Variants in NPTXR observed in about 807,000 individuals in gnomAD.
The protein encoded by NPTXR is neuronal pentraxin receptor.
NPTXR carries 12 observed loss-of-function variants against 32.2 expected under a neutral mutation model. The ratio of observed to expected loss-of-function variants is 0.37; its 90% CI spans 0.24 to 0.60. The LOEUF is 0.60. NPTXR is among the 20% of genes least tolerant of loss of function. NPTXR has a pLI of 0.66. For missense variants in NPTXR, 612 were observed against 682.9 expected (o/e 0.90, Z 1.16); for synonymous variants, 323 against 315.8 (o/e 1.02, Z -0.24).
intron 1 of NPTXR, among the ~76,000 whole-genome samples, chr22:38,829,697 G>C (rs1004723100): frequency 1.3e-5 from 2 of 152,138 alleles, no homozygotes; most frequent in South Asian, 4.2e-4. Flanking sequence ...CCCCAGACAC[G>C]AACTCATTGC....
Position 38,843,598 on chromosome 22 carries a change from G to A in NPTXR, c.261C>T (p.Pro87=). The A allele has an allele frequency of 8.4e-7, 1 of 1,184,964 alleles. No individual in the cohort carries two copies. The highest frequency in any genetic ancestry group is 4.1e-5 in the South Asian group (1 of 24,358). 73.4% of individuals were successfully genotyped at this position (1,184,964 alleles called of 1,614,324 possible). A position where few individuals can be genotyped will look rare whatever the true frequency, so the allele number is the denominator to read the frequency against. Residue 87 remains proline, a synonymous_variant, in exon 1 of 5, where the codon CCC becomes CCT. Coordinates refer to ENST00000333039, the MANE Select transcript of NPTXR (RefSeq NM_014293.4). The surrounding 1 kb of genome is among the most constrained non-coding windows in gnomAD (Gnocchi z 5.3). The stretch of plus-strand genomic sequence containing the variant: ...ACAGGAAGCGGCTGAACAGGGGCCC[G>A]GGCGGCAGCGGGTGCGCGCTGGCCG...
intron 1 of NPTXR, among the ~76,000 whole-genome samples, chr22:38,830,142 C>T (rs1485325056): frequency 6.6e-6 from 1 of 152,198 alleles, no homozygotes; most frequent in Non-Finnish European, 1.5e-5. Context: ...AGCAATGTGA[C>T]CTCATTTTGA....
intron 1 of NPTXR, among the ~76,000 whole-genome samples, chr22:38,836,400 G>C (rs760644089): frequency 7.9e-5 from 12 of 152,206 alleles, no homozygotes; most frequent in Non-Finnish European, 1.5e-4. Context: ...GCTCGTCCGC[G>C]CAACGGAACA....
intron 3 of NPTXR, among the ~76,000 whole-genome samples, chr22:38,826,164 A>T (rs1025989383): frequency 2.2e-4 from 33 of 152,176 alleles, no homozygotes; most frequent in African/African-American, 8.0e-4. Flanking sequence ...CTTTAAGTCC[A>T]GGATGATGAG....
chr22:38,841,782 C>A (rs546415330), intron 1 of NPTXR, among the ~76,000 whole-genome samples: 15 of 152,232 alleles, frequency 9.9e-5, no homozygotes, highest in African/African-American at 3.6e-4. Context: ...TATTACTATC[C>A]CCATTTTACA....
At chr22:38,841,503 C>G (rs981822627) in intron 1 of NPTXR, among the ~76,000 whole-genome samples, 1 of 152,278 alleles carries the variant, frequency 6.6e-6, no homozygotes, top group Non-Finnish European at 1.5e-5. Context: ...CCTGTGCCAT[C>G]TGGGCGTGGG....
At chr22:38,823,860 G>A (rs1187782974) in intron 3 of NPTXR, among the ~76,000 whole-genome samples, 2 of 152,192 alleles carry the variant, frequency 1.3e-5, no homozygotes, top group South Asian at 2.1e-4. Flanking sequence ...AGATCCCTCA[G>A]CACAGTGCTC....
At chr22:38,828,173 C>T in intron 2 of NPTXR, 114 bp downstream of exon 2, 1 of 788,848 alleles carries the variant, frequency 1.3e-6, no homozygotes, top group Non-Finnish European at 2.1e-6. Flanking sequence ...CCACAGCCTC[C>T]TCCCCACCCT....
At chr22:38,827,567 T>C (rs2235137) in intron 2 of NPTXR, among the ~76,000 whole-genome samples, 64,157 of 151,998 alleles carry the variant, frequency 0.42, 13,969 homozygotes, top group East Asian at 0.75. Context: ...CTGTTCCCCA[T>C]GTAAGCTGGT....
At position 38,843,115 on chromosome 22, in the gene NPTXR, A is replaced by C; in HGVS notation, c.624+120T>G. The C allele has an allele frequency of 9.9e-7, 1 of 1,014,300 alleles. No homozygotes were observed. The highest frequency in any genetic ancestry group is 1.3e-6 in the Non-Finnish European group (1 of 792,740). The allele number at this position is 1,014,300 out of a possible 1,614,324, so 62.8% of individuals were successfully genotyped here. On this transcript the variant is annotated intron_variant, in intron 1 of 4. Coordinates refer to ENST00000333039, the MANE Select transcript of NPTXR (RefSeq NM_014293.4). The surrounding 1 kb of genome is among the most constrained non-coding windows in gnomAD (Gnocchi z 5.3). ...AATCCCCCCGCCTCGCCAGCGAGGA[A>C]GGCGCGATCGTCCCCGGAACACAGA... is the stretch of plus-strand genomic sequence containing the variant.
At chr22:38,835,311 G>A (rs1371161096) in intron 1 of NPTXR, among the ~76,000 whole-genome samples, 1 of 152,206 alleles carries the variant, frequency 6.6e-6, no homozygotes, top group African/African-American at 2.4e-5. Context: ...AGCCTTCTCA[G>A]AGAAACCCCA....
intron 1 of NPTXR, among the ~76,000 whole-genome samples, chr22:38,835,754 G>A (rs1173909734): frequency 1.3e-5 from 2 of 152,146 alleles, no homozygotes; most frequent in South Asian, 2.1e-4. Flanking sequence ...GCTTGGTCTT[G>A]ACTCAGCCTC....
chr22:38,838,573 A>ACTTTT lies in NPTXR; in HGVS notation c.624+4661_624+4662insAAAAG, dbSNP rs200891254. 3.6e-5 allele frequency among the ~76,000 whole-genome samples: 3 copies of ACTTTT among 83,190 alleles called. 1 individual carries two copies. The highest frequency in any genetic ancestry group is 4.5e-5 in the Non-Finnish European group (2 of 44,636). 54.6% of individuals were successfully genotyped at this position (83,190 alleles called of 152,430 possible). On this transcript the variant is annotated intron_variant, in intron 1 of 4. Coordinates refer to ENST00000333039, the MANE Select transcript of NPTXR (RefSeq NM_014293.4). ...GCACAGGCACCGCCCTCACCTGGCT[A>ACTTTT]TTTTTTTTTTTTTTTTTTTTTTTTT... is the stretch of plus-strand genomic sequence containing the variant.
chr22:38,836,105 C>T (rs978643439), intron 1 of NPTXR, among the ~76,000 whole-genome samples: 9 of 152,304 alleles, frequency 5.9e-5, no homozygotes, highest in African/African-American at 1.7e-4. Flanking sequence ...GTGCACTACA[C>T]GCCCACCGAA....
At chr22:38,824,023 G>T (rs2093102430) in intron 3 of NPTXR, among the ~76,000 whole-genome samples, 1 of 152,002 alleles carries the variant, frequency 6.6e-6, no homozygotes, top group Non-Finnish European at 1.5e-5. Flanking sequence ...TGTTGCCCAG[G>T]ATAGAGTGCA....
At chr22:38,836,614 G>T (rs2093124338) in intron 1 of NPTXR, among the ~76,000 whole-genome samples, 1 of 152,144 alleles carries the variant, frequency 6.6e-6, no homozygotes, top group Non-Finnish European at 1.5e-5. Context: ...CTGTCTTTGG[G>T]GGCACCAGGG....
At chr22:38,837,035 T>C (rs940010551) in intron 1 of NPTXR, among the ~76,000 whole-genome samples, 1 of 152,160 alleles carries the variant, frequency 6.6e-6, no homozygotes, top group Non-Finnish European at 1.5e-5. Flanking sequence ...AGGATGATCT[T>C]GATCTCCTGA....
chr22:38,838,749 T>G (rs993409005), intron 1 of NPTXR, among the ~76,000 whole-genome samples: 2 of 151,934 alleles, frequency 1.3e-5, no homozygotes, highest in African/African-American at 4.8e-5. Context: ...GCCTGGCTAA[T>G]TTTTTGCATT....
chr22:38,836,722 G>A (rs529116016), intron 1 of NPTXR, among the ~76,000 whole-genome samples: 4 of 151,894 alleles, frequency 2.6e-5, no homozygotes, highest in East Asian at 1.9e-4. Flanking sequence ...GTCCACTTAC[G>A]ATTTGTGTCT....
Sources: gnomAD v4.1 joint callset for allele counts (sites outside exome capture counted in the v4.1 genomes callset) on GRCh38, gnomAD v4.1.1 for gene constraint, Gnocchi (gnomAD v3.1) non-coding constraint, MANE v1.5 for transcripts, NCBI Gene and HGNC (gene_info 2026-07-23, HGNC 2026-07-21) for gene names.